CALN1: variants seen among roughly 807,000 people sequenced by gnomAD.
The protein encoded by CALN1 is calneuron 1, also known as calcium-binding protein 8.
Under a neutral mutation model 30.6 loss-of-function variants are expected in CALN1, and 17 were observed. That is an observed-to-expected ratio of 0.56 (90% CI 0.38 to 0.83). CALN1 has a LOEUF of 0.83. Ranked by LOEUF, CALN1 falls within the 40% of genes least tolerant of loss-of-function variation. CALN1 has a pLI of 0.00. For synonymous variants in CALN1, 156 were observed against 131.4 expected (o/e 1.19, Z -1.28); for missense variants, 291 against 354.9 (o/e 0.82, Z 1.45).
chr7:72,116,407 T>C (rs967527958), intron 3 of CALN1, among the ~76,000 whole-genome samples: 1 of 152,032 alleles, frequency 6.6e-6, no homozygotes, highest in African/African-American at 2.4e-5. Context: ...GCACAGGAGC[T>C]GGAGGAGAGA....
At chr7:71,911,444 T>C (rs1444012551) in intron 5 of CALN1, among the ~76,000 whole-genome samples, 1 of 152,142 alleles carries the variant, frequency 6.6e-6, no homozygotes, top group East Asian at 1.9e-4. Flanking sequence ...TGTCCTTTAG[T>C]TTGTTTGAGA....
chr7:72,503,444 C>T, the CALN1 span, among the ~76,000 whole-genome samples: 3 of 152,068 alleles, frequency 2.0e-5, no homozygotes, highest in Non-Finnish European at 2.9e-5. Flanking sequence ...ATAGGATTTC[C>T]ACCAATCCCA....
In CALN1 at chr7:72,275,027, G is replaced by A. The variant is rs1270317991; in HGVS notation, c.244+3659C>T. Among the ~76,000 whole-genome samples, 12 of 152,148 alleles carry A rather than the reference G, an allele frequency of 7.9e-5. No homozygotes were observed. In the East Asian group the frequency reaches 2.1e-3, roughly 27 times the overall value. Reference sequence around the variant, plus strand: ...ACCATTCACGAAGTGCACACCTTTGGCCCTTACACTGGAGGAAAGGGATTT... The same window carrying A: ...ACCATTCACGAAGTGCACACCTTTGACCCTTACACTGGAGGAAAGGGATTT... On this transcript the variant is annotated intron_variant, in intron 3 of 6. Coordinates refer to ENST00000395275, the MANE Select transcript of CALN1 (RefSeq NM_031468.4).
chr7:72,290,813 T>G (rs192637785), intron 2 of CALN1, among the ~76,000 whole-genome samples: 81 of 152,354 alleles, frequency 5.3e-4, no homozygotes, highest in African/African-American at 1.8e-3. Context: ...TTTACATGAC[T>G]GTATTTTCCA....
At chr7:72,337,470 G>A in intron 2 of CALN1, 1 of 180,328 alleles carries the variant, frequency 5.5e-6, no homozygotes, top group African/African-American at 2.4e-5. Context: ...CACACAGGCA[G>A]ACACGCGGGG....
At chr7:71,802,587 C>T (rs552808603) in intron 6 of CALN1, among the ~76,000 whole-genome samples, 31 of 152,236 alleles carry the variant, frequency 2.0e-4, no homozygotes, top group Admixed American at 7.2e-4. Flanking sequence ...CTCAGCCTCC[C>T]GAATAGCTGA....
intron 1 of CALN1, among the ~76,000 whole-genome samples, chr7:72,435,370 A>G (rs2909984): frequency 0.039 from 5,974 of 152,302 alleles, 172 homozygotes; most frequent in Middle Eastern, 0.082. Context: ...CTCATCTACA[A>G]TAGCTTTCCT....
chr7:72,336,501 C>T (rs1054750034), intron 2 of CALN1, among the ~76,000 whole-genome samples: 1 of 151,672 alleles, frequency 6.6e-6, no homozygotes, highest in African/African-American at 2.4e-5. Context: ...GTGGCCGGCG[C>T]GGCCCCCAGC....
Position 72,421,026 on chromosome 7 carries a change from C to T in CALN1, c.-225-8751G>A, listed in dbSNP as rs547724728. Among the ~76,000 whole-genome samples, 4 of 152,214 alleles carry T rather than the reference C, an allele frequency of 2.6e-5. No homozygotes were observed. In the East Asian group the frequency reaches 5.8e-4, roughly 22 times the overall value. On this transcript the variant is annotated intron_variant, in intron 1 of 6. Transcript: ENST00000395276. ...CCAGGGAGTTCTGGGTCTAGAAACC[C>T]GGGCAGGTTCTTACTGCACTTTCCT... is the stretch of plus-strand genomic sequence containing the variant.
chr7:72,089,838 G>C (rs1185086578), intron 4 of CALN1, among the ~76,000 whole-genome samples: 1 of 152,048 alleles, frequency 6.6e-6, no homozygotes, highest in Non-Finnish European at 1.5e-5. Flanking sequence ...ATTTATCTTG[G>C]ACAAAACAAC....
chr7:72,332,236 G>A (rs1182651910), intron 2 of CALN1, among the ~76,000 whole-genome samples: 1 of 152,128 alleles, frequency 6.6e-6, no homozygotes, highest in Non-Finnish European at 1.5e-5. Flanking sequence ...ATGTGTGCAA[G>A]GTAGCACCCC....
intron 5 of CALN1, among the ~76,000 whole-genome samples, chr7:71,910,662 G>C (rs1183408890): frequency 6.6e-6 from 1 of 151,980 alleles, no homozygotes; most frequent in Non-Finnish European, 1.5e-5. Context: ...TGTAAGAACA[G>C]AGAAAAAAAG....
chr7:72,047,762 G>A (rs565022050), intron 4 of CALN1, among the ~76,000 whole-genome samples: 31 of 152,266 alleles, frequency 2.0e-4, no homozygotes, highest in African/African-American at 7.0e-4. Context: ...CAGCCATCGT[G>A]CTCGGCCTTG....
intron 2 of CALN1, among the ~76,000 whole-genome samples, chr7:72,342,496 G>C (rs1202282674): frequency 2.0e-5 from 3 of 152,088 alleles, no homozygotes; most frequent in Non-Finnish European, 4.4e-5. Context: ...CCGGGATGGA[G>C]GCTAAACTCA....
At chr7:72,466,850 GAAAGAAAGAGAAAGAA>G in the CALN1 span, among the ~76,000 whole-genome samples, 1 of 75,426 alleles carries the variant, frequency 1.3e-5, no homozygotes, top group African/African-American at 5.0e-5. Context: ...AGAAAAGAAA[GAAAGAAAGAGAAAGAA>G]AAAGAAAGAA....
chr7:72,250,526 T>C (rs780531738), intron 3 of CALN1, among the ~76,000 whole-genome samples: 30 of 152,138 alleles, frequency 2.0e-4, no homozygotes, highest in Non-Finnish European at 3.1e-4. Context: ...AGTTCAGATG[T>C]CTGTCCCCTC....
rs5884888 is a variant in CALN1, at chr7:72,399,270, CTTTT to C, written c.119+3977_119+3980del. 9.4e-5 allele frequency among the ~76,000 whole-genome samples: 10 copies of C among 106,778 alleles called. 1 individual carries two copies. The highest frequency in any genetic ancestry group is 7.3e-4 in the South Asian group (2 of 2,734). The allele number at this position is 106,778 out of a possible 152,430, so 70.1% of individuals were successfully genotyped here. A position where few individuals can be genotyped will look rare whatever the true frequency, so the allele number is the denominator to read the frequency against. ...CCAGCCGGTTTTGTCTAACCTATTG[CTTTT>C]TTTTTTTTTTTTTTTGAGATGGAGT... On this transcript the variant is annotated intron_variant, in intron 2 of 6. Coordinates refer to ENST00000395275, the MANE Select transcript of CALN1 (RefSeq NM_031468.4).
rs78512406 is a variant in CALN1 at position 72,042,964 on chromosome 7, C to T, written c.389-19195G>A. On this transcript the variant is annotated intron_variant, in intron 4 of 6. Transcript: ENST00000395275. ...ACTTCTGCACACACCCCCACTCTCA[C>T]TCTCAGTTCCTGAGTCATTCAGCCA... 2.7e-4 allele frequency among the ~76,000 whole-genome samples: 41 copies of T among 152,298 alleles called. No individual in the cohort carries two copies. The East Asian group carries it at 3.9e-3, about 14-fold the overall frequency.
intron 3 of CALN1, among the ~76,000 whole-genome samples, chr7:72,171,400 G>C (rs970009141): frequency 1.3e-5 from 2 of 152,062 alleles, no homozygotes; most frequent in African/African-American, 4.8e-5. Context: ...TCAGAGAGGA[G>C]GACTGCTTGA....
Sources: allele counts gnomAD v4.1 joint callset (sites outside exome capture counted in the v4.1 genomes callset), GRCh38; gene constraint gnomAD v4.1.1; transcripts MANE v1.5; gene names NCBI Gene and HGNC (gene_info 2026-07-23, HGNC 2026-07-21).